The following ENOX1 variants were observed in gnomAD, a reference collection of about 807,000 sequenced individuals.
ENOX1 encodes the protein candidate growth-related and time keeping constitutive hydroquinone (NADH) oxidase.
ENOX1 carries 42 observed loss-of-function variants against 82.5 expected under a neutral mutation model. That is an observed-to-expected ratio of 0.51 (90% CI 0.40 to 0.66). The LOEUF is 0.66. Ranked by LOEUF, ENOX1 falls within the 30% of genes least tolerant of loss-of-function variation. ENOX1 has a pLI of 0.00. For synonymous variants in ENOX1, 271 were observed against 282.2 expected (o/e 0.96, Z 0.40); for missense variants, 608 against 811.6 (o/e 0.75, Z 3.05).
chr13:43,767,205 C>T (rs1281355288), intron 1 of ENOX1, among the ~76,000 whole-genome samples: 1 of 152,108 alleles, frequency 6.6e-6, no homozygotes, highest in African/African-American at 2.4e-5. Context: ...AAATATTTCA[C>T]GCTAAGATTT....
At chr13:43,541,173 G>GTTTCTTTTTTTTTTTTTTTTTT (rs2078696971) in intron 2 of ENOX1, among the ~76,000 whole-genome samples, 1 of 64,574 alleles carries the variant, frequency 1.5e-5, no homozygotes, top group Non-Finnish European at 3.2e-5. Context: ...TCTTCCCTCT[G>GTTTCTTTTTTTTTTTTTTTTTT]TTTTTTTTTT....
chr13:43,543,653 C>A (rs2078841875), intron 2 of ENOX1, among the ~76,000 whole-genome samples: 1 of 149,716 alleles, frequency 6.7e-6, no homozygotes, highest in African/African-American at 2.5e-5. Flanking sequence ...ATTTCTGTTA[C>A]CCATAATGAT....
chr13:43,291,634 C>T (rs2046004447), intron 12 of ENOX1, among the ~76,000 whole-genome samples: 1 of 152,104 alleles, frequency 6.6e-6, no homozygotes, highest in Non-Finnish European at 1.5e-5. Context: ...TCCATGCTTC[C>T]CACTGCACCA....
At chr13:43,461,463 T>C (rs758440895) in intron 3 of ENOX1, among the ~76,000 whole-genome samples, 26 of 152,116 alleles carry the variant, frequency 1.7e-4, no homozygotes, top group Non-Finnish European at 3.1e-4. Flanking sequence ...TATTTTTTTC[T>C]TACAAGAAAC....
At chr13:43,715,755 G>A (rs1397852526) in intron 1 of ENOX1, among the ~76,000 whole-genome samples, 6 of 151,980 alleles carry the variant, frequency 3.9e-5, no homozygotes, top group Admixed American at 6.6e-5. Flanking sequence ...CCAGTTGATC[G>A]CATCGGCTCC....
chr13:43,752,868 T>C (rs554678332), intron 1 of ENOX1, among the ~76,000 whole-genome samples: 74 of 152,220 alleles, frequency 4.9e-4, no homozygotes, highest in Middle Eastern at 6.8e-3. Flanking sequence ...TTCTTTTTTT[T>C]TTTTCTTTTG....
At chr13:43,494,524 T>G (rs2076729033) in intron 2 of ENOX1, among the ~76,000 whole-genome samples, 1 of 152,320 alleles carries the variant, frequency 6.6e-6, no homozygotes, top group East Asian at 1.9e-4. Context: ...TGTTTACGAT[T>G]TATTTGTACC....
At chr13:43,438,500 A>G (rs145218423) in intron 3 of ENOX1, among the ~76,000 whole-genome samples, 1 of 152,338 alleles carries the variant, frequency 6.6e-6, no homozygotes, top group African/African-American at 2.4e-5. Flanking sequence ...GAATTGTTGG[A>G]TAAAAATAGG....
chr13:43,361,224 AT>A, intron 6 of ENOX1, 54 bp downstream of exon 6: 1 of 1,579,958 alleles, frequency 6.3e-7, no homozygotes, highest in South Asian at 1.1e-5. Flanking sequence ...CCATTTTAAA[AT>A]TTAAAAAGAA....
At chr13:43,765,125 A>T (rs1951193746) in intron 1 of ENOX1, among the ~76,000 whole-genome samples, 1 of 152,242 alleles carries the variant, frequency 6.6e-6, no homozygotes, top group Admixed American at 6.5e-5. Context: ...TAACCTTGTC[A>T]AGTGAAACTC....
At chr13:43,408,789 T>G (rs2053948524) in intron 5 of ENOX1, among the ~76,000 whole-genome samples, 1 of 152,048 alleles carries the variant, frequency 6.6e-6, no homozygotes, top group South Asian at 2.1e-4. Context: ...AAAATATGCA[T>G]AAGAATTTAA....
At chr13:43,393,011 A>C (rs938690856) in intron 5 of ENOX1, among the ~76,000 whole-genome samples, 30 of 152,216 alleles carry the variant, frequency 2.0e-4, no homozygotes, top group Non-Finnish European at 4.0e-4. Context: ...AGTATAAAAA[A>C]GTCTGAGGCA....
At chr13:43,519,770 A>T (rs2153681931) in intron 2 of ENOX1, among the ~76,000 whole-genome samples, 1 of 152,240 alleles carries the variant, frequency 6.6e-6, no homozygotes, top group East Asian at 1.9e-4. Context: ...ATCCTCTCTG[A>T]CTTACCCCGT....
At chr13:43,635,667 T>C (rs182626318) in intron 2 of ENOX1, among the ~76,000 whole-genome samples, 19 of 152,268 alleles carry the variant, frequency 1.2e-4, no homozygotes, top group Admixed American at 3.9e-4. Flanking sequence ...AGGATTTTGT[T>C]GGATCTTGTC....
At chr13:43,570,341 T>C (rs1320811850) in intron 2 of ENOX1, among the ~76,000 whole-genome samples, 1 of 151,996 alleles carries the variant, frequency 6.6e-6, no homozygotes, top group Non-Finnish European at 1.5e-5. Context: ...GCGGAAGCCA[T>C]AGATGCACAT....
chr13:43,706,714 A>T (rs375517710), intron 1 of ENOX1, among the ~76,000 whole-genome samples: 1 of 10,554 alleles, frequency 9.5e-5, no homozygotes, highest in Non-Finnish European at 2.1e-3. Context: ...TCAAGAAAGA[A>T]AAAAAAAAAA....
intron 3 of ENOX1, among the ~76,000 whole-genome samples, chr13:43,468,659 A>G (rs1186790655): frequency 6.6e-6 from 1 of 151,470 alleles, no homozygotes; most frequent in Non-Finnish European, 1.5e-5. Context: ...ACAAAGCCAG[A>G]TAAGATTTTC....
intron 3 of ENOX1, among the ~76,000 whole-genome samples, chr13:43,442,704 C>CAT (rs1156468926): frequency 1.3e-5 from 2 of 152,144 alleles, no homozygotes; most frequent in Non-Finnish European, 2.9e-5. Context: ...GGTCCTTTTC[C>CAT]ATATCCCGGC....
chr13:43,347,461 T>TA (rs1389392938), intron 8 of ENOX1, among the ~76,000 whole-genome samples: 2 of 152,168 alleles, frequency 1.3e-5, no homozygotes, highest in Non-Finnish European at 2.9e-5. Flanking sequence ...CAAATTAAAT[T>TA]AAAAAAACAT....
Sources: allele counts gnomAD v4.1 joint callset (sites outside exome capture counted in the v4.1 genomes callset), GRCh38; gene constraint gnomAD v4.1.1; transcripts MANE v1.5; gene names NCBI Gene and HGNC (gene_info 2026-07-23, HGNC 2026-07-21).